Variants in DLGAP2 observed in about 807,000 individuals in gnomAD.
The protein encoded by DLGAP2 is DLG associated protein 2.
DLGAP2 carries 26 observed loss-of-function variants against 100.3 expected under a neutral mutation model. The ratio of observed to expected loss-of-function variants is 0.26; its 90% CI spans 0.19 to 0.36. DLGAP2 has a LOEUF of 0.36. Among genes scored for constraint, DLGAP2 ranks in the 10% least tolerant of loss-of-function variants. DLGAP2 has a pLI of 1.00. For missense variants in DLGAP2, 1,858 were observed against 1,453.2 expected, an observed-to-expected ratio of 1.28 and a Z score of -4.53; for synonymous variants, 886 against 630.1, an observed-to-expected ratio of 1.41 and a Z score of -6.08.
chr8:1,378,288 C>A (rs972701909), intron 3 of DLGAP2, among the ~76,000 whole-genome samples: 1 of 150,332 alleles, frequency 6.7e-6, no homozygotes, highest in Non-Finnish European at 1.5e-5. Context: ...CCTGCACACA[C>A]CTGACCTCAC....
rs1204730686 is a variant in DLGAP2 at position 1,288,334 on chromosome 8, A to AGT, written c.106+29462_106+29463dup. ...TTAGGAGGGGAACTAGTTTCGTTTC[A>AGT]GTGTGTGTGTGTATGTAGTTGTTAG... On this transcript the variant is annotated intron_variant, in intron 3 of 14. Coordinates refer to ENST00000637795, the MANE Select transcript of DLGAP2 (RefSeq NM_001346810.2). Among the ~76,000 whole-genome samples, 11 of 114,418 alleles carry AGT rather than the reference A, an allele frequency of 9.6e-5. No homozygotes were observed. In the East Asian group the frequency reaches 2.0e-3, roughly 20 times the overall value. The allele number at this position is 114,418 out of a possible 152,430, so 75.1% of individuals were successfully genotyped here.
intron 8 of DLGAP2, among the ~76,000 whole-genome samples, chr8:1,654,661 C>CAA (rs763257486): frequency 0.33 from 30,095 of 92,244 alleles, 3,847 homozygotes; most frequent in East Asian, 0.54. Context: ...AACTCCGTCT[C>CAA]AAAAAAAAAA....
chr8:1,072,873 G>A (rs903067051), intron 2 of DLGAP2, among the ~76,000 whole-genome samples: 6 of 152,190 alleles, frequency 3.9e-5, no homozygotes, highest in African/African-American at 9.6e-5. Context: ...GAGTGTGCCC[G>A]GGGACCCTGT....
intron 3 of DLGAP2, among the ~76,000 whole-genome samples, chr8:1,363,919 C>T (rs1336795374): frequency 6.6e-6 from 1 of 152,136 alleles, no homozygotes; most frequent in African/African-American, 2.4e-5. Context: ...CTGGGGGGTC[C>T]CTCCCTGACA....
chr8:916,681 T>TA (rs935138144), intron 2 of DLGAP2, among the ~76,000 whole-genome samples: 41 of 151,914 alleles, frequency 2.7e-4, no homozygotes, highest in Admixed American at 2.0e-3. Flanking sequence ...AAAATAAATT[T>TA]AAAAAAAAGA....
intron 4 of DLGAP2, among the ~76,000 whole-genome samples, chr8:1,546,762 AG>A (rs1801553035): frequency 6.6e-6 from 1 of 152,118 alleles, no homozygotes; most frequent in South Asian, 2.1e-4. Flanking sequence ...GACTGCAAGC[AG>A]GGGTGCATCT....
intron 2 of DLGAP2, among the ~76,000 whole-genome samples, chr8:1,150,346 A>G: frequency 6.6e-6 from 1 of 152,182 alleles, no homozygotes; most frequent in South Asian, 2.1e-4. Context: ...GCATGGTATC[A>G]TTGCTTAAAT....
intron 2 of DLGAP2, among the ~76,000 whole-genome samples, chr8:1,223,382 G>A (rs569792454): frequency 9.9e-5 from 15 of 152,210 alleles, no homozygotes; most frequent in African/African-American, 3.1e-4. Context: ...GCTCTTCTCC[G>A]CGGTGCTGCA....
chr8:747,259 T>A, intron 1 of DLGAP2, among the ~76,000 whole-genome samples: 1 of 151,950 alleles, frequency 6.6e-6, no homozygotes, highest in South Asian at 2.1e-4. Flanking sequence ...TTCTTTACGT[T>A]TTCATTCAGT....
At position 751,941 on chromosome 8, in the gene DLGAP2, A is replaced by G. The variant is rs185267582; in HGVS notation, c.18+14116A>G. 4.5e-4 allele frequency among the ~76,000 whole-genome samples: 69 copies of G among 152,196 alleles called. No homozygotes were observed. In the East Asian group the frequency reaches 0.012, roughly 26 times the overall value. ...ATAGGAAGTTCATCTGACACTTTAT[A>G]GTAAGTCCTTATAGGAAGTTCATCT... is the stretch of plus-strand genomic sequence containing the variant. On this transcript the variant is annotated intron_variant, in intron 1 of 14. Coordinates refer to ENST00000637795, the MANE Select transcript of DLGAP2 (RefSeq NM_001346810.2).
At chr8:1,214,365 G>C (rs1007476398) in intron 2 of DLGAP2, among the ~76,000 whole-genome samples, 11 of 152,204 alleles carry the variant, frequency 7.2e-5, no homozygotes, top group Non-Finnish European at 1.3e-4. Context: ...GTGCTTTCCA[G>C]GGGGAAGAGG....
chr8:1,306,799 G>T (rs1013158796), intron 3 of DLGAP2, among the ~76,000 whole-genome samples: 2 of 152,258 alleles, frequency 1.3e-5, no homozygotes, highest in East Asian at 3.9e-4. Flanking sequence ...AATGGAGAAG[G>T]AACAGTGTTT....
chr8:1,661,383 G>A (rs1357748269), intron 8 of DLGAP2, among the ~76,000 whole-genome samples: 2 of 151,808 alleles, frequency 1.3e-5, no homozygotes, highest in South Asian at 2.1e-4. Context: ...TTGACAAAAG[G>A]CCAGAAGCTG....
intron 8 of DLGAP2, among the ~76,000 whole-genome samples, chr8:1,663,956 G>A (rs760433361): frequency 2.0e-5 from 3 of 152,156 alleles, no homozygotes; most frequent in South Asian, 2.1e-4. Context: ...GTGACCAGTC[G>A]GTTCAGCCCC....
At chr8:907,625 G>A (rs975251263) in intron 1 of DLGAP2, among the ~76,000 whole-genome samples, 1 of 152,148 alleles carries the variant, frequency 6.6e-6, no homozygotes, top group African/African-American at 2.4e-5. Context: ...CTGGAGTACA[G>A]CTTTCAAGAC....
Position 1,618,890 on chromosome 8 carries a change from C to T in DLGAP2, c.1443-7850C>T, listed in dbSNP as rs115391663. On this transcript the variant is annotated intron_variant, in intron 6 of 14. Coordinates refer to ENST00000637795, the MANE Select transcript of DLGAP2 (RefSeq NM_001346810.2). ...TCCAGTAGACACGAGTAGCACCCTC[C>T]TCTAAATTGTGGCAAACTCAAAATA... 2.3e-3 allele frequency among the ~76,000 whole-genome samples: 348 copies of T among 152,280 alleles called. 1 individual carries two copies. The highest frequency in any genetic ancestry group is 8.1e-3 in the African/African-American group (338 of 41,552).
At chr8:1,655,747 G>A (rs560365169) in intron 8 of DLGAP2, among the ~76,000 whole-genome samples, 4 of 152,328 alleles carry the variant, frequency 2.6e-5, no homozygotes, top group African/African-American at 7.2e-5. Context: ...CCACGAGGTT[G>A]GCTAACCCAA....
intron 3 of DLGAP2, among the ~76,000 whole-genome samples, chr8:1,303,262 T>C (rs1270954876): frequency 2.0e-5 from 3 of 151,966 alleles, no homozygotes; most frequent in African/African-American, 7.2e-5. Flanking sequence ...CCGGGCGTGG[T>C]GGCGGGCGCC....
chr8:1,138,015 C>T (rs570468580), intron 2 of DLGAP2, among the ~76,000 whole-genome samples: 25 of 152,196 alleles, frequency 1.6e-4, no homozygotes, highest in South Asian at 1.2e-3. Flanking sequence ...GGATTACAGG[C>T]GTGAGCCACG....
Sources: allele counts gnomAD v4.1 joint callset (sites outside exome capture counted in the v4.1 genomes callset), GRCh38; gene constraint gnomAD v4.1.1; transcripts MANE v1.5; gene names NCBI Gene and HGNC (gene_info 2026-07-23, HGNC 2026-07-21).